Variants in CRB2 observed in about 807,000 individuals in gnomAD.
The protein encoded by CRB2 is crumbs cell polarity complex component 2, also known as protein crumbs homolog 2.
CRB2 carries 85 observed loss-of-function variants against 110.9 expected under a neutral mutation model. That is an observed-to-expected ratio of 0.77 (90% CI 0.64 to 0.92). The LOEUF (loss-of-function observed/expected upper bound fraction) is 0.92. CRB2 is among the 40% of genes least tolerant of loss of function. The probability of loss-of-function intolerance (pLI) is 0.00; values close to 1 mark genes in which losing one functional copy is unlikely to be tolerated. For synonymous variants in CRB2, 907 were observed against 831.0 expected, an observed-to-expected ratio of 1.09 and a Z score of -1.57; for missense variants, 1,843 against 1,851.3, an observed-to-expected ratio of 1.00 and a Z score of 0.08.
chr9:123,371,709 C>A, intron 8 of CRB2, 131 bp downstream of exon 8: 2 of 1,255,272 alleles, frequency 1.6e-6, no homozygotes, highest in East Asian at 4.8e-5. Context: ...AGTGACCTGC[C>A]CAGGGTCCCA....
intron 1 of CRB2, among the ~76,000 whole-genome samples, chr9:123,359,253 C>A (rs2041832936): frequency 6.6e-6 from 1 of 151,910 alleles, no homozygotes; most frequent in Non-Finnish European, 1.5e-5. Context: ...TCAGCCCTAC[C>A]CTTGTAGGGT....
In CRB2 at chr9:123,373,164, C is replaced by A. The variant is rs1325745788; in HGVS notation, c.2633C>A (p.Pro878His). The change falls in exon 10 of 13, where the codon CCC becomes CAC. Residue 878 changes from proline (P) to histidine (H), a missense_variant. Coordinates refer to ENST00000373631, the MANE Select transcript of CRB2 (RefSeq NM_173689.7). ...GCGGAGGCCACGTTCCGCGAGGGTC[C>A]CCCCGCCGCGTTCAGCGGGCACAAC... The part of the protein sequence containing the change: ...CVAEATFREG[P>H]PAAFSGHNAS... The A allele has an allele frequency of 1.3e-6, 2 of 1,514,146 alleles. No homozygotes were observed. Among genetic ancestry groups the A allele is most frequent in the East Asian group, 2.7e-5 (1 of 37,168 alleles). The allele number at this position is 1,514,146 out of a possible 1,614,324, so 93.8% of individuals were successfully genotyped here.
intron 8 of CRB2, 66 bp downstream of exon 8, chr9:123,371,644 C>T: frequency 1.3e-6 from 2 of 1,593,834 alleles, no homozygotes; most frequent in Non-Finnish European, 1.7e-6. Context: ...TGTCCTGTGT[C>T]ACCGGGGCTT....
chr9:123,378,805 GTTTTTTTTTTTTTTT>G (rs1166539194), downstream of CRB2: 2 of 100,982 alleles, frequency 2.0e-5, no homozygotes, highest in African/African-American at 8.7e-5. Context: ...CCTGTTTTTT[GTTTTTTTTTTTTTTT>G]TTTTTTTTTT....
In CRB2 at chr9:123,373,505, G is replaced by C; in HGVS notation, c.2974G>C (p.Asp992His). The C allele has an allele frequency of 2.7e-6, 4 of 1,469,576 alleles. No homozygotes were observed. The highest frequency in any genetic ancestry group is 3.6e-6 in the Non-Finnish European group (4 of 1,118,832). The allele number at this position is 1,469,576 out of a possible 1,614,324, so 91.0% of individuals were successfully genotyped here. A position where few individuals can be genotyped will look rare whatever the true frequency, so the allele number is the denominator to read the frequency against. ...TPVALRGLAS[D>H]LGFLQGPGAV... ...GGTGGCGCTGCGCGGCCTGGCCAGT[G>C]ACCTGGGCTTCCTGCAGGGCCCGGG... is the stretch of plus-strand genomic sequence containing the variant. The change falls in exon 10 of 13, where the codon GAC (aspartate) becomes CAC (histidine). Residue 992 changes from aspartate (D) to histidine (H), a missense_variant. Transcript: ENST00000373631.
chr9:123,370,386 G>C lies in CRB2; in HGVS notation c.1333G>C (p.Ala445Pro). 1 of 1,613,706 alleles carries C rather than the reference G, an allele frequency of 6.2e-7. No individual in the cohort carries two copies. Among genetic ancestry groups the C allele is most frequent in the Non-Finnish European group, 8.5e-7 (1 of 1,180,038 alleles). Residue 445 changes from alanine to proline, a missense_variant, in exon 7 of 13, where the codon GCT (alanine) becomes CCT (proline). By Grantham distance (27) the Ala-to-Pro change is conservative. Transcript: ENST00000373631. Reference sequence around the variant, plus strand: ...CCAGAATACCACCTTCTCTGTGATGGCTGGGAGCCCCATTCAGGCATCAGT... The same window carrying C: ...CCAGAATACCACCTTCTCTGTGATGCCTGGGAGCCCCATTCAGGCATCAGT... Reference protein sequence around the residue: ...CGQNTTFSVMAGSPIQASVPA... With the variant: ...CGQNTTFSVMPGSPIQASVPA...
intron 10 of CRB2, 108 bp downstream of exon 10, chr9:123,374,028 A>C: frequency 7.3e-7 from 1 of 1,366,338 alleles, no homozygotes; most frequent in Non-Finnish European, 1.0e-6. Context: ...CCTGGTCCTC[A>C]TGTCCTTATC....
Position 123,374,593 on chromosome 9 carries a change from C to T in CRB2, c.3404C>T (p.Ser1135Phe). ...GGPRCRLPVP[S>F]KECSLNVTCL... ...TCTCTCCCCAGGTTGCCTGTCCCAT[C>T]CAAGGAGTGCAGCCTGAATGTCACC... The change falls in exon 11 of 13, where the codon TCC (serine) becomes TTC (phenylalanine). Residue 1135 changes from serine to phenylalanine, a missense_variant. By Grantham distance (155) the Ser-to-Phe change is radical. Transcript: ENST00000373631. The T allele has an allele frequency of 6.2e-7, 1 of 1,613,290 alleles. No individual in the cohort carries two copies. The highest frequency in any genetic ancestry group is 1.1e-5 in the South Asian group (1 of 91,070).
intron 9 of CRB2, 30 bp from the exon 10 acceptor site, chr9:123,373,104 G>C (rs2042039986): frequency 6.9e-7 from 1 of 1,456,252 alleles, no homozygotes; most frequent in Non-Finnish European, 9.0e-7. Context: ...GGCTCCGTGG[G>C]CTATTCCCTG....
At chr9:123,368,747 C>T in intron 6 of CRB2, 4 of 1,113,988 alleles carry the variant, frequency 3.6e-6, no homozygotes, top group Non-Finnish European at 4.4e-6. Context: ...CCCTTTAGGC[C>T]ATGCTGGGCA....
chr9:123,369,058 T>C (rs1378957033), intron 6 of CRB2: 2 of 774,676 alleles, frequency 2.6e-6, no homozygotes, highest in Non-Finnish European at 3.3e-6. Flanking sequence ...CCTGGTGACT[T>C]CTCTGGGCCT....
chr9:123,375,495 C>A (rs2042089526), intron 12 of CRB2, 152 bp downstream of exon 12: 2 of 877,384 alleles, frequency 2.3e-6, no homozygotes, highest in East Asian at 3.1e-5. Flanking sequence ...CCCTTCCACA[C>A]CCCCCACACA....
intron 12 of CRB2, among the ~76,000 whole-genome samples, chr9:123,375,909 G>T (rs529021286): frequency 6.2e-4 from 94 of 152,270 alleles, no homozygotes; most frequent in African/African-American, 1.9e-3. Context: ...GGGGCGGGGT[G>T]GGGGGAGTGG....
At chr9:123,378,819 T>G (rs1053255853), downstream of CRB2, 5 of 128,668 alleles carry the variant, frequency 3.9e-5, no homozygotes, top group African/African-American at 1.4e-4. Flanking sequence ...TTTTTTTTTT[T>G]TTTTTTTTTT....
chr9:123,354,933 T>G (rs2041782384), upstream of CRB2, among the ~76,000 whole-genome samples: 1 of 152,124 alleles, frequency 6.6e-6, no homozygotes, highest in Admixed American at 6.5e-5. Flanking sequence ...TCCCTCTAGC[T>G]CATCTGGACC....
At chr9:123,358,675 C>T (rs773221820) in intron 1 of CRB2, among the ~76,000 whole-genome samples, 5 of 152,198 alleles carry the variant, frequency 3.3e-5, no homozygotes, top group Non-Finnish European at 5.9e-5. Context: ...AGGAGGTAAA[C>T]GAGGCCCAGA....
chr9:123,357,352 GGCCTGGGCTCTCCTGA>G (rs2041811849), intron 1 of CRB2, among the ~76,000 whole-genome samples: 1 of 151,972 alleles, frequency 6.6e-6, no homozygotes, highest in African/African-American at 2.4e-5. Context: ...AGCCAAGGAG[GGCCTGGGCTCTCCTGA>G]GGCTGGGGGA....
At position 123,373,162 on chromosome 9, in the gene CRB2, TC is replaced by T. The variant is rs1264148565; in HGVS notation, c.2637del (p.Ala880ProfsTer261). On this transcript the variant is annotated frameshift_variant, in exon 10 of 13. Coordinates refer to ENST00000373631, the MANE Select transcript of CRB2 (RefSeq NM_173689.7). LOFTEE classifies it high-confidence loss of function. The part of the protein sequence containing the change: ...CVAEATFREG[P>X]PAAFSGHNAS... ...TGGCGGAGGCCACGTTCCGCGAGGG[TC>T]CCCCCGCCGCGTTCAGCGGGCACAA... 9 of 1,512,344 alleles carry T rather than the reference TC, an allele frequency of 6.0e-6. No homozygotes were observed. The highest frequency in any genetic ancestry group is 5.4e-5 in the East Asian group (2 of 37,012). The allele number at this position is 1,512,344 out of a possible 1,614,324, so 93.7% of individuals were successfully genotyped here. A position where few individuals can be genotyped will look rare whatever the true frequency, so the allele number is the denominator to read the frequency against.
intron 10 of CRB2, 38 bp from the exon 11 acceptor site, chr9:123,374,541 G>A: frequency 1.3e-6 from 2 of 1,489,094 alleles, no homozygotes; most frequent in East Asian, 4.6e-5. Context: ...CAGGTCCCAG[G>A]TGTCCTGCAC....
Sources: gnomAD v4.1 joint callset for allele counts (sites outside exome capture counted in the v4.1 genomes callset) on GRCh38, gnomAD v4.1.1 for gene constraint, MANE v1.5 for transcripts, NCBI Gene and HGNC (gene_info 2026-07-23, HGNC 2026-07-21) for gene names.